SEMA6D: variants seen among roughly 807,000 people sequenced by gnomAD.
SEMA6D encodes the protein semaphorin-6D.
SEMA6D carries 35 observed loss-of-function variants against 106.6 expected under a neutral mutation model. The ratio of observed to expected loss-of-function variants is 0.33; its 90% CI spans 0.25 to 0.44. The LOEUF is 0.44. Among genes scored for constraint, SEMA6D ranks in the 20% least tolerant of loss-of-function variants. The pLI is 1.00. For missense variants in SEMA6D, 1,185 were observed against 1,345.9 expected (o/e 0.88, Z 1.87); for synonymous variants, 499 against 487.7 (o/e 1.02, Z -0.31).
intron 4 of SEMA6D, among the ~76,000 whole-genome samples, chr15:47,699,249 G>A (rs2078761431): frequency 6.6e-6 from 1 of 152,126 alleles, no homozygotes; most frequent in African/African-American, 2.4e-5. Context: ...ATAGGATTTA[G>A]GTCAAAGAGC....
chr15:47,270,736 G>A (rs142838077), intron 1 of SEMA6D, among the ~76,000 whole-genome samples: 55 of 152,086 alleles, frequency 3.6e-4, no homozygotes, highest in African/African-American at 9.2e-4. Context: ...GTTCACACCC[G>A]TAATCCTAGC....
At chr15:47,549,248 A>G (rs1175365980) in intron 3 of SEMA6D, among the ~76,000 whole-genome samples, 1 of 152,142 alleles carries the variant, frequency 6.6e-6, no homozygotes, top group Non-Finnish European at 1.5e-5. Context: ...CCCTGCTTAG[A>G]GGAAACAGGA....
chr15:47,710,579 T>TACACACGCACACAC (rs1163682686), intron 4 of SEMA6D, among the ~76,000 whole-genome samples: 1 of 151,960 alleles, frequency 6.6e-6, no homozygotes, highest in African/African-American at 2.4e-5. Flanking sequence ...GGAGGAAAAA[T>TACACACGCACACAC]ACACACGCAC....
At chr15:47,683,823 A>C (rs369614810) in intron 4 of SEMA6D, among the ~76,000 whole-genome samples, 6 of 152,178 alleles carry the variant, frequency 3.9e-5, no homozygotes, top group African/African-American at 1.4e-4. Context: ...TTGACTGCAC[A>C]ATGGGAAGAC....
chr15:47,416,682 T>G lies in SEMA6D; in HGVS notation c.-159+4210T>G, dbSNP rs559755233. Among the ~76,000 whole-genome samples the G allele has an allele frequency of 7.9e-5, 12 of 152,214 alleles. No individual in the cohort carries two copies. In the East Asian group the frequency reaches 2.3e-3, roughly 29 times the overall value. The stretch of plus-strand genomic sequence containing the variant: ...AAGCCAGTGTGGAGGTAAGATATAA[T>G]CAGCAAAGAGAGCTCCTTAGGACCC... On this transcript the variant is annotated intron_variant, in intron 2 of 19. Coordinates refer to the SEMA6D transcript ENST00000558014.
At chr15:47,769,221 CA>C (rs1296872658) in intron 18 of SEMA6D, among the ~76,000 whole-genome samples, 1 of 152,094 alleles carries the variant, frequency 6.6e-6, no homozygotes. Context: ...TAAAACATAA[CA>C]GAGTGCTCGT....
intron 1 of SEMA6D, among the ~76,000 whole-genome samples, chr15:47,329,330 A>C (rs2037251194): frequency 1.3e-5 from 2 of 152,224 alleles, no homozygotes; most frequent in South Asian, 2.1e-4. Context: ...TAACCTGTTC[A>C]CTAATAAGCT....
At position 47,763,981 on chromosome 15, in the gene SEMA6D, C is replaced by T. The variant is rs2082199985; in HGVS notation, c.879C>T (p.Tyr293=). 1 of 1,613,972 alleles carries T rather than the reference C, an allele frequency of 6.2e-7. No homozygotes were observed. The highest frequency in any genetic ancestry group is 8.5e-7 in the Non-Finnish European group (1 of 1,179,872). ...NCSVPGDSFF[Y]FDVLQSITDI... ...CTGTCCCTGGAGATTCGTTTTTCTA[C>T]TTTGATGTTCTGCAGTCTATTACAG... Residue 293 remains tyrosine, a synonymous_variant, in exon 10 of 19, where the codon TAC becomes TAT. Coordinates refer to ENST00000536845, the MANE Select transcript of SEMA6D (RefSeq NM_001358351.3).
intron 2 of SEMA6D, among the ~76,000 whole-genome samples, chr15:47,429,308 T>G (rs2041449605): frequency 6.6e-6 from 1 of 152,048 alleles, no homozygotes; most frequent in African/African-American, 2.4e-5. Context: ...TACAATGAGG[T>G]GCTTTCTTTT....
chr15:47,686,882 A>T (rs1226311601), intron 4 of SEMA6D, among the ~76,000 whole-genome samples: 1 of 152,080 alleles, frequency 6.6e-6, no homozygotes. Flanking sequence ...TCTGGGCAAC[A>T]TAGCAAGACC....
At chr15:47,605,742 C>A (rs901470919) in intron 4 of SEMA6D, among the ~76,000 whole-genome samples, 3 of 152,140 alleles carry the variant, frequency 2.0e-5, no homozygotes, top group African/African-American at 7.2e-5. Flanking sequence ...TCAGGAACAG[C>A]CAAATGGAAG....
At chr15:47,672,923 C>T (rs1258118774) in intron 4 of SEMA6D, among the ~76,000 whole-genome samples, 1 of 151,696 alleles carries the variant, frequency 6.6e-6, no homozygotes, top group African/African-American at 2.4e-5. Flanking sequence ...GTTGGGTTAC[C>T]CAAAAGGCAA....
At chr15:47,586,908 A>G (rs1245141653) in intron 3 of SEMA6D, among the ~76,000 whole-genome samples, 1 of 16,622 alleles carries the variant, frequency 6.0e-5, no homozygotes, top group African/African-American at 1.8e-4. Context: ...TTTTTTTTTT[A>G]CAAGACCTGT....
intron 1 of SEMA6D, among the ~76,000 whole-genome samples, chr15:47,751,420 C>G (rs1243234121): frequency 1.3e-5 from 2 of 152,150 alleles, no homozygotes; most frequent in Admixed American, 1.3e-4. Flanking sequence ...GCTTTCATGA[C>G]CCATAGTTGG....
At chr15:47,414,037 T>TA (rs1488917056) in intron 2 of SEMA6D, among the ~76,000 whole-genome samples, 1 of 152,092 alleles carries the variant, frequency 6.6e-6, no homozygotes, top group Non-Finnish European at 1.5e-5. Context: ...ACTTTTAGTT[T>TA]AATAGCTTGT....
intron 3 of SEMA6D, among the ~76,000 whole-genome samples, chr15:47,551,130 C>G (rs1357578065): frequency 6.6e-6 from 1 of 152,126 alleles, no homozygotes; most frequent in African/African-American, 2.4e-5. Flanking sequence ...TTGATTCAAA[C>G]TTATTTCTGT....
At chr15:47,718,072 G>A (rs995444905) in intron 1 of SEMA6D, among the ~76,000 whole-genome samples, 1 of 152,184 alleles carries the variant, frequency 6.6e-6, no homozygotes, top group African/African-American at 2.4e-5. Flanking sequence ...GGGGCATCAA[G>A]TAAAAGTTTC....
chr15:47,407,260 T>C (rs1349100788), intron 1 of SEMA6D, among the ~76,000 whole-genome samples: 1 of 149,656 alleles, frequency 6.7e-6, no homozygotes, highest in African/African-American at 2.4e-5. Flanking sequence ...TCCCAGCTAC[T>C]TGGGAGGCTG....
chr15:47,490,855 T>C (rs1364249997), intron 3 of SEMA6D, among the ~76,000 whole-genome samples: 1 of 152,144 alleles, frequency 6.6e-6, no homozygotes, highest in Non-Finnish European at 1.5e-5. Flanking sequence ...TATATGAAAA[T>C]ATGCTCCATC....
Sources: allele counts gnomAD v4.1 joint callset (sites outside exome capture counted in the v4.1 genomes callset), GRCh38; gene constraint gnomAD v4.1.1; transcripts MANE v1.5; gene names NCBI Gene and HGNC (gene_info 2026-07-23, HGNC 2026-07-21).